The following PTPRM variants were observed in gnomAD, a reference collection of about 807,000 sequenced individuals.
PTPRM encodes the protein protein tyrosine phosphatase receptor type M.
In PTPRM, 47 loss-of-function variants were observed where a neutral mutation model predicts 186.7. The ratio of observed to expected loss-of-function variants is 0.25; its 90% CI spans 0.20 to 0.32. The LOEUF is 0.32. Among genes scored for constraint, PTPRM ranks in the 10% least tolerant of loss-of-function variants. The probability of loss-of-function intolerance (pLI) is 1.00; values close to 1 mark genes in which losing one functional copy is unlikely to be tolerated. For missense variants in PTPRM, 1,494 were observed against 1,865.0 expected (o/e 0.80, Z 3.66); for synonymous variants, 668 against 674.9 (o/e 0.99, Z 0.16).
At chr18:8,244,284 CAAAAA>C in intron 15 of PTPRM, 75 bp downstream of exon 15, 1 of 1,087,446 alleles carries the variant, frequency 9.2e-7, no homozygotes, top group Non-Finnish European at 1.2e-6. Flanking sequence ...TAGGGGATTT[CAAAAA>C]AAAAAAAAGC....
At chr18:8,357,629 G>C (rs1337178817) in intron 23 of PTPRM, among the ~76,000 whole-genome samples, 1 of 152,182 alleles carries the variant, frequency 6.6e-6, no homozygotes, top group Non-Finnish European at 1.5e-5. Context: ...ATAATTGCAA[G>C]TGTGACTGTT....
At chr18:8,354,394 G>A (rs902922534) in intron 23 of PTPRM, among the ~76,000 whole-genome samples, 3 of 151,986 alleles carry the variant, frequency 2.0e-5, no homozygotes, top group African/African-American at 7.2e-5. Flanking sequence ...GGAATAGGGC[G>A]AGAACAAAGA....
At chr18:8,256,622 A>C (rs2094577243) in intron 19 of PTPRM, among the ~76,000 whole-genome samples, 1 of 152,132 alleles carries the variant, frequency 6.6e-6, no homozygotes, top group Non-Finnish European at 1.5e-5. Context: ...GGATAGAGTG[A>C]GCCACATGTT....
chr18:8,045,453 G>A (rs1045447399), intron 7 of PTPRM, among the ~76,000 whole-genome samples: 5 of 152,172 alleles, frequency 3.3e-5, no homozygotes, highest in Admixed American at 6.5e-5. Context: ...ACAAAACGTC[G>A]TATGTCTACC....
chr18:7,961,306 C>T (rs1170128321), intron 7 of PTPRM, among the ~76,000 whole-genome samples: 1 of 152,212 alleles, frequency 6.6e-6, no homozygotes, highest in Non-Finnish European at 1.5e-5. Flanking sequence ...ACCCTGGCAA[C>T]CACCAGTCTC....
At chr18:8,356,804 A>G (rs941994851) in intron 23 of PTPRM, among the ~76,000 whole-genome samples, 5 of 152,174 alleles carry the variant, frequency 3.3e-5, no homozygotes, top group Admixed American at 2.0e-4. Flanking sequence ...ATGTGACTCC[A>G]AGGAGAATAG....
chr18:8,379,459 T>G lies in PTPRM; in HGVS notation c.3786+119T>G. The G allele has an allele frequency of 3.7e-6, 4 of 1,080,076 alleles. No individual in the cohort carries two copies. The South Asian group carries it at 8.8e-5, about 24-fold the overall frequency. 66.9% of individuals were successfully genotyped at this position (1,080,076 alleles called of 1,614,324 possible). ...TTTTGTTTTTTAAGACACAAACTTTTTTTTCCAACAAAAAATAGATTTCAG... is the reference window on the plus strand; with the variant it reads ...TTTTGTTTTTTAAGACACAAACTTTGTTTTCCAACAAAAAATAGATTTCAG... On this transcript the variant is annotated intron_variant, in intron 28 of 32. Coordinates refer to ENST00000580170, the MANE Select transcript of PTPRM (RefSeq NM_001105244.2).
chr18:8,229,491 A>C (rs2094257492), intron 14 of PTPRM, among the ~76,000 whole-genome samples: 2 of 152,196 alleles, frequency 1.3e-5, no homozygotes, highest in South Asian at 4.1e-4. Flanking sequence ...TAGTTCTGAA[A>C]ATAAAAATTA....
chr18:7,659,156 A>ACACACACACACACACACACAC (rs771452260), intron 1 of PTPRM, among the ~76,000 whole-genome samples: 1 of 137,894 alleles, frequency 7.3e-6, no homozygotes, highest in Non-Finnish European at 1.5e-5. Context: ...ACACACACAC[A>ACACACACACACACACACACAC]ATCTCCCTTC....
intron 2 of PTPRM, among the ~76,000 whole-genome samples, chr18:7,791,221 G>A (rs964651344): frequency 2.6e-5 from 4 of 152,072 alleles, no homozygotes; most frequent in Non-Finnish European, 5.9e-5. Context: ...AATTCAGTAG[G>A]CCCTGTGGTC....
chr18:8,264,361 A>T (rs1389398489), intron 19 of PTPRM, among the ~76,000 whole-genome samples: 1 of 152,198 alleles, frequency 6.6e-6, no homozygotes, highest in South Asian at 2.1e-4. Flanking sequence ...GGCATTTCAG[A>T]GGCAAGTGAG....
At chr18:8,094,268 G>A (rs1473867329) in intron 11 of PTPRM, among the ~76,000 whole-genome samples, 1 of 152,072 alleles carries the variant, frequency 6.6e-6, no homozygotes, top group Non-Finnish European at 1.5e-5. Context: ...AACACTTCGG[G>A]AGGCCAAGGT....
chr18:8,017,472 A>G (rs1324999812), intron 7 of PTPRM, among the ~76,000 whole-genome samples: 1 of 151,472 alleles, frequency 6.6e-6, no homozygotes, highest in Admixed American at 6.6e-5. Flanking sequence ...AATCCCACCT[A>G]CTCAGGAGGC....
In PTPRM at chr18:7,660,335, CA is replaced by C. The variant is rs5822977; in HGVS notation, c.73+92455del. On this transcript the variant is annotated intron_variant, in intron 1 of 32. Coordinates refer to ENST00000580170, the MANE Select transcript of PTPRM (RefSeq NM_001105244.2). The stretch of plus-strand genomic sequence containing the variant: ...TGGGTGACAAAGAGAGACAATTTCT[CA>C]AAAAAAAAAATAATAAAATAAGTAA... Among the ~76,000 whole-genome samples, 207 of 147,004 alleles carry C rather than the reference CA, an allele frequency of 1.4e-3. 1 individual carries two copies. Among genetic ancestry groups the C allele is most frequent in the East Asian group, 3.0e-3 (15 of 5,002 alleles).
At chr18:8,084,188 A>T (rs960992781) in intron 9 of PTPRM, among the ~76,000 whole-genome samples, 7 of 152,168 alleles carry the variant, frequency 4.6e-5, no homozygotes, top group African/African-American at 1.7e-4. Flanking sequence ...TTGGCACATG[A>T]GAGGGGCTCA....
In PTPRM at chr18:7,630,800, T is replaced by G. The variant is rs117153011; in HGVS notation, c.73+62909T>G. Reference sequence around the variant, plus strand: ...AAGTAATTTTTTCAAAACTAAAGCTTTGTTTTTCTCTCCTTGAGATAAGAT... The same window carrying G: ...AAGTAATTTTTTCAAAACTAAAGCTGTGTTTTTCTCTCCTTGAGATAAGAT... On this transcript the variant is annotated intron_variant, in intron 1 of 32. Transcript: ENST00000580170. Among the ~76,000 whole-genome samples, 22 of 152,306 alleles carry G rather than the reference T, an allele frequency of 1.4e-4. No homozygotes were observed. The East Asian group carries it at 3.9e-3, about 27-fold the overall frequency.
intron 1 of PTPRM, among the ~76,000 whole-genome samples, chr18:7,652,476 C>T (rs1348411358): frequency 1.3e-5 from 2 of 152,040 alleles, no homozygotes; most frequent in Non-Finnish European, 2.9e-5. Flanking sequence ...CGGCACTATT[C>T]ACAAAAGCAA....
intron 8 of PTPRM, 129 bp from the exon 9 acceptor site, chr18:8,076,326 A>G (rs574405070): frequency 8.2e-5 from 50 of 608,128 alleles, no homozygotes; most frequent in Non-Finnish European, 1.4e-4. Flanking sequence ...AGATTTTTAA[A>G]GAAAAATTGA....
intron 19 of PTPRM, among the ~76,000 whole-genome samples, chr18:8,278,539 A>G (rs1339496503): frequency 6.6e-6 from 1 of 152,242 alleles, no homozygotes; most frequent in Non-Finnish European, 1.5e-5. Flanking sequence ...CAGTGAAAGC[A>G]GAGGCAAAAT....
Sources: allele counts gnomAD v4.1 joint callset (sites outside exome capture counted in the v4.1 genomes callset), GRCh38; gene constraint gnomAD v4.1.1; transcripts MANE v1.5; gene names NCBI Gene and HGNC (gene_info 2026-07-23, HGNC 2026-07-21).